FBXW11: variants seen among roughly 807,000 people sequenced by gnomAD.
The protein encoded by FBXW11 is F-box and WD repeat domain containing 11.
FBXW11 carries 19 observed loss-of-function variants against 77.6 expected under a neutral mutation model. That is an observed-to-expected ratio of 0.24 (90% CI 0.17 to 0.36). The LOEUF (loss-of-function observed/expected upper bound fraction) is 0.36. FBXW11 is among the 10% of genes least tolerant of loss of function. The pLI is 1.00. For missense variants in FBXW11, 334 were observed against 704.2 expected (o/e 0.47, Z 5.95); for synonymous variants, 235 against 249.4 (o/e 0.94, Z 0.54).
rs575012844 is a variant in FBXW11, at chr5:171,989,372, G to A, written c.45+17086C>T. Reference sequence around the variant, plus strand: ...CTTCATTATGGAGAGATCTGGCTGCGCCAAGGAATCAAAGTTAGCATTGCT... The same window carrying A: ...CTTCATTATGGAGAGATCTGGCTGCACCAAGGAATCAAAGTTAGCATTGCT... On this transcript the variant is annotated intron_variant, in intron 1 of 13. Transcript: ENST00000517395. Among the ~76,000 whole-genome samples the A allele has an allele frequency of 3.3e-5, 5 of 152,324 alleles. No individual in the cohort carries two copies. The South Asian group carries it at 6.2e-4, about 19-fold the overall frequency.
chr5:171,948,221 T>G, intron 2 of FBXW11, among the ~76,000 whole-genome samples: 2 of 121,080 alleles, frequency 1.7e-5, no homozygotes, highest in Admixed American at 1.0e-4. Flanking sequence ...GGCGACAGAG[T>G]GAGACTCCAA....
chr5:171,986,168 G>A (rs1428924857), intron 1 of FBXW11, among the ~76,000 whole-genome samples: 1 of 152,172 alleles, frequency 6.6e-6, no homozygotes, highest in Non-Finnish European at 1.5e-5. Context: ...AGCACTTTGG[G>A]AGGCCAAGGC....
rs533237192 is a variant in FBXW11, at chr5:171,876,052, C to T, written c.1221+233G>A. On this transcript the variant is annotated intron_variant, in intron 9 of 13. Coordinates refer to ENST00000517395, the MANE Select transcript of FBXW11 (RefSeq NM_001378974.1). The surrounding 1 kb of genome is among the most constrained non-coding windows in gnomAD (Gnocchi z 4.2). The stretch of plus-strand genomic sequence containing the variant: ...GCACTCTTCCCCTTAAAAAGGTGAT[C>T]AAGAATTTCATGTCATGAAACAGAA... 1.3e-5 allele frequency among the ~76,000 whole-genome samples: 2 copies of T among 152,266 alleles called. No homozygotes were observed. Among genetic ancestry groups the T allele is most frequent in the South Asian group, 4.2e-4 (2 of 4,816 alleles).
chr5:171,983,147 C>T (rs1318910217), intron 1 of FBXW11, among the ~76,000 whole-genome samples: 2 of 151,970 alleles, frequency 1.3e-5, no homozygotes, highest in Non-Finnish European at 2.9e-5. Context: ...CTGTTTGTGC[C>T]GCTACACTCC....
intron 2 of FBXW11, among the ~76,000 whole-genome samples, chr5:171,938,629 G>T (rs1242990189): frequency 2.0e-5 from 3 of 152,092 alleles, no homozygotes; most frequent in Non-Finnish European, 4.4e-5. Context: ...TTTACTTTTT[G>T]ATCAGCAATT....
intron 2 of FBXW11, among the ~76,000 whole-genome samples, chr5:171,941,571 T>C (rs1028814601): frequency 6.6e-6 from 1 of 151,502 alleles, no homozygotes; most frequent in Non-Finnish European, 1.5e-5. Context: ...ATTATGACTA[T>C]GTAGAACATC....
rs70982354 is a variant in FBXW11 at position 171,923,909 on chromosome 5, CTTTTTTTTTTTTTTT to C, written c.148-9519_148-9505del. 5.8e-3 allele frequency among the ~76,000 whole-genome samples: 285 copies of C among 49,194 alleles called. 3 individuals carry two copies. Among genetic ancestry groups the C allele is most frequent in the African/African-American group, 0.024 (272 of 11,150 alleles). The allele number at this position is 49,194 out of a possible 152,430, so 32.3% of individuals were successfully genotyped here. A position where few individuals can be genotyped will look rare whatever the true frequency, so the allele number is the denominator to read the frequency against. ...GGGAGGGTCCGCGGTGAAACCCCAC[CTTTTTTTTTTTTTTT>C]TTTTTTTTTTTTTTTTTTTGAGACA... On this transcript the variant is annotated intron_variant, in intron 2 of 13. Coordinates refer to ENST00000517395, the MANE Select transcript of FBXW11 (RefSeq NM_001378974.1).
In FBXW11 at chr5:171,893,499, G is replaced by A. The variant is rs189652493; in HGVS notation, c.715-1895C>T. Among the ~76,000 whole-genome samples, 173 of 139,076 alleles carry A rather than the reference G, an allele frequency of 1.2e-3. 1 individual carries two copies. Among genetic ancestry groups the A allele is most frequent in the South Asian group, 9.5e-4 (4 of 4,222 alleles). 91.2% of individuals were successfully genotyped at this position (139,076 alleles called of 152,430 possible). ...ATCAAAGTAGACAACAGATCTGTCC[G>A]GATAAGCGACTTTTTAAAAAGAGGT... On this transcript the variant is annotated intron_variant, in intron 6 of 13. Coordinates refer to ENST00000517395, the MANE Select transcript of FBXW11 (RefSeq NM_001378974.1).
intron 7 of FBXW11, among the ~76,000 whole-genome samples, chr5:171,878,740 A>G (rs1389279717): frequency 6.6e-6 from 1 of 151,774 alleles, no homozygotes; most frequent in Non-Finnish European, 1.5e-5. Context: ...AGTGAGCCAT[A>G]ATCACACCAC....
At chr5:172,002,727 T>G (rs1236329611) in intron 1 of FBXW11, among the ~76,000 whole-genome samples, 1 of 144,562 alleles carries the variant, frequency 6.9e-6, no homozygotes, top group East Asian at 2.0e-4. Flanking sequence ...TGAGAGTGTC[T>G]TGCTCTGTTA....
chr5:171,883,098 C>T (rs1016802006), intron 7 of FBXW11, among the ~76,000 whole-genome samples: 1 of 152,200 alleles, frequency 6.6e-6, no homozygotes, highest in Admixed American at 6.5e-5. Flanking sequence ...ATCCAAGTCA[C>T]CGCAAATGCT....
At chr5:171,895,540 C>T (rs540344661) in intron 6 of FBXW11, among the ~76,000 whole-genome samples, 2 of 152,076 alleles carry the variant, frequency 1.3e-5, no homozygotes, top group East Asian at 3.9e-4. Context: ...ACTTCGGAGG[C>T]GTTAATGCAA....
At chr5:171,879,928 T>C (rs965928902) in intron 7 of FBXW11, among the ~76,000 whole-genome samples, 112 of 152,226 alleles carry the variant, frequency 7.4e-4, no homozygotes, top group African/African-American at 2.6e-3. Flanking sequence ...CAGAAATTTT[T>C]AATTTTAACA....
chr5:171,872,121 C>A (rs1337785366), intron 10 of FBXW11, among the ~76,000 whole-genome samples: 1 of 152,140 alleles, frequency 6.6e-6, no homozygotes, highest in Non-Finnish European at 1.5e-5. Context: ...TAAACCCAAT[C>A]TTTATTTTGA....
intron 5 of FBXW11, among the ~76,000 whole-genome samples, chr5:171,899,622 T>C (rs902169736): frequency 1.3e-5 from 2 of 152,188 alleles, no homozygotes; most frequent in Admixed American, 6.5e-5. Flanking sequence ...CATATCTATA[T>C]TTTGGTAATG....
At chr5:171,878,216 A>G in intron 7 of FBXW11, 87 bp from the exon 8 acceptor site, 1 of 904,464 alleles carries the variant, frequency 1.1e-6, no homozygotes, top group East Asian at 2.5e-5. Flanking sequence ...TCTGATTATA[A>G]AATAAAACAC....
intron 1 of FBXW11, among the ~76,000 whole-genome samples, chr5:171,964,598 A>C (rs75245326): frequency 0.035 from 5,360 of 152,344 alleles, 117 homozygotes; most frequent in Admixed American, 0.062. Flanking sequence ...TTTGTAATTA[A>C]AGTAAGGACA....
chr5:171,903,131 C>CT (rs1298090879), intron 4 of FBXW11, among the ~76,000 whole-genome samples: 1 of 152,198 alleles, frequency 6.6e-6, no homozygotes, highest in Non-Finnish European at 1.5e-5. Flanking sequence ...GGGACTCACT[C>CT]TATCACCCAA....
intron 1 of FBXW11, among the ~76,000 whole-genome samples, chr5:171,980,668 C>A (rs1445157753): frequency 1.3e-5 from 2 of 152,172 alleles, no homozygotes; most frequent in African/African-American, 4.8e-5. Flanking sequence ...ATTAAAAAGA[C>A]TGACAATGCC....
Sources: gnomAD v4.1 joint callset for allele counts (sites outside exome capture counted in the v4.1 genomes callset) on GRCh38, gnomAD v4.1.1 for gene constraint, Gnocchi (gnomAD v3.1) non-coding constraint, MANE v1.5 for transcripts, NCBI Gene and HGNC (gene_info 2026-07-23, HGNC 2026-07-21) for gene names.